Variants in TRMT11 observed in about 807,000 individuals in gnomAD.
TRMT11 encodes tRNA (guanine(10)-N(2))-methyltransferase TRMT11.
TRMT11 carries 53 observed loss-of-function variants against 62.8 expected under a neutral mutation model. That is an observed-to-expected ratio of 0.84 (90% confidence interval 0.68 to 1.06). TRMT11 has a LOEUF of 1.06. Ranked by LOEUF, TRMT11 falls within the 50% of genes least tolerant of loss-of-function variation. TRMT11 has a pLI of 0.00. For missense variants in TRMT11, 556 were observed against 553.4 expected (o/e 1.00, Z -0.05); for synonymous variants, 188 against 190.3 (o/e 0.99, Z 0.10).
the TRMT11 span, among the ~76,000 whole-genome samples, chr6:126,267,000 CATTATT>C: frequency 6.6e-6 from 1 of 152,066 alleles, no homozygotes; most frequent in Non-Finnish European, 1.5e-5. Context: ...TGAAAAATCT[CATTATT>C]ATTATTACTT....
chr6:126,066,169 A>G lies in TRMT11; in HGVS notation c.*1437+12979A>G, dbSNP rs1583857568. On this transcript the variant is annotated intron_variant and NMD_transcript_variant, in intron 17 of 22. Transcript: ENST00000648977. ...GAAACTCACTTTGAGCGCCAGGACC[A>G]AAGCTGACCTCTGCCTCCAGGCCAG... is the stretch of plus-strand genomic sequence containing the variant. Among the ~76,000 whole-genome samples, 4 of 152,336 alleles carry G rather than the reference A, an allele frequency of 2.6e-5. No homozygotes were observed. The South Asian group carries it at 8.3e-4, about 32-fold the overall frequency.
At chr6:126,228,571 T>G in the TRMT11 span, among the ~76,000 whole-genome samples, 1 of 152,168 alleles carries the variant, frequency 6.6e-6, no homozygotes, top group Non-Finnish European at 1.5e-5. Context: ...AGAGATTAGC[T>G]TGTGTTTATA....
chr6:126,087,133 C>A (rs750668033), intron 17 of TRMT11, among the ~76,000 whole-genome samples: 1 of 152,214 alleles, frequency 6.6e-6, no homozygotes, highest in African/African-American at 2.4e-5. Flanking sequence ...AATAGTTTAC[C>A]AATTATAAAC....
At chr6:126,044,145 A>C (rs1302215248), downstream of TRMT11, among the ~76,000 whole-genome samples, 1 of 151,958 alleles carries the variant, frequency 6.6e-6, no homozygotes, top group Non-Finnish European at 1.5e-5. Context: ...TATGTCCTGA[A>C]TGGTAATGCC....
At chr6:126,194,941 C>T (rs1778647617) in intron 1 of TRMT11, among the ~76,000 whole-genome samples, 1 of 151,934 alleles carries the variant, frequency 6.6e-6, no homozygotes, top group African/African-American at 2.4e-5. Context: ...ATAGTGAGAC[C>T]CTATCTCTAT....
chr6:126,096,139 T>TACCA (rs1777337236), intron 17 of TRMT11, among the ~76,000 whole-genome samples: 15 of 152,330 alleles, frequency 9.8e-5, no homozygotes, highest in Admixed American at 2.0e-4. Context: ...AATTCTGTTT[T>TACCA]TCTTGGAAGG....
At chr6:126,070,516 C>T (rs1171093949) in intron 17 of TRMT11, among the ~76,000 whole-genome samples, 1 of 152,134 alleles carries the variant, frequency 6.6e-6, no homozygotes, top group Non-Finnish European at 1.5e-5. Context: ...AGAAATAAAA[C>T]TCCATAGGCA....
intron 12 of TRMT11, among the ~76,000 whole-genome samples, chr6:126,028,952 T>C (rs1029132463): frequency 6.6e-6 from 1 of 152,192 alleles, no homozygotes; most frequent in Admixed American, 6.5e-5. Context: ...ACTAGTGTTA[T>C]AAGAATCTTA....
the TRMT11 span, among the ~76,000 whole-genome samples, chr6:126,239,658 A>C: frequency 6.6e-6 from 1 of 151,958 alleles, no homozygotes; most frequent in East Asian, 1.9e-4. Context: ...CTTCATTTCA[A>C]CTTTGGTGAA....
chr6:126,215,059 AATTTC>A, the TRMT11 span, among the ~76,000 whole-genome samples: 3 of 151,930 alleles, frequency 2.0e-5, no homozygotes, highest in East Asian at 5.8e-4. Context: ...TGCTTGATAT[AATTTC>A]ATTTTTTTTT....
chr6:126,084,888 A>G (rs1349323846), intron 17 of TRMT11, among the ~76,000 whole-genome samples: 4 of 152,206 alleles, frequency 2.6e-5, no homozygotes, highest in African/African-American at 9.6e-5. Context: ...TCAAACTCAT[A>G]GAAACAGAGA....
chr6:126,010,649 G>A (rs1327245319), intron 8 of TRMT11, among the ~76,000 whole-genome samples: 1 of 152,046 alleles, frequency 6.6e-6, no homozygotes, highest in Non-Finnish European at 1.5e-5. Context: ...GGTACATCAA[G>A]ATTGATATAT....
intron 17 of TRMT11, among the ~76,000 whole-genome samples, chr6:126,083,355 G>A (rs2875867): frequency 6.6e-6 from 1 of 152,070 alleles, no homozygotes; most frequent in Non-Finnish European, 1.5e-5. Flanking sequence ...CTTTTGCTCT[G>A]GAAGATCTAT....
intron 1 of TRMT11, among the ~76,000 whole-genome samples, chr6:125,989,064 A>G (rs1790156299): frequency 6.6e-6 from 1 of 151,458 alleles, no homozygotes; most frequent in Non-Finnish European, 1.5e-5. Context: ...CATTGAGGCC[A>G]GAGAGGTGGT....
chr6:126,002,069 C>T (rs180790092), intron 7 of TRMT11, among the ~76,000 whole-genome samples: 5 of 152,118 alleles, frequency 3.3e-5, no homozygotes, highest in African/African-American at 9.6e-5. Context: ...CTTACTTTCT[C>T]TTCTATTTGT....
chr6:126,151,905 C>CTTTCTTTCTTTTTCTT (rs377099601), intron 21 of TRMT11, among the ~76,000 whole-genome samples: 1 of 80,362 alleles, frequency 1.2e-5, no homozygotes, highest in Non-Finnish European at 2.3e-5. Context: ...TCTTTCTTTT[C>CTTTCTTTCTTTTTCTT]TCTTTCTTTC....
intron 21 of TRMT11, among the ~76,000 whole-genome samples, chr6:126,141,895 C>A (rs1777920866): frequency 6.6e-6 from 1 of 152,030 alleles, no homozygotes; most frequent in Non-Finnish European, 1.5e-5. Flanking sequence ...ACTGTCCTTG[C>A]CATTTTCTTG....
intron 1 of TRMT11, 30 bp from the exon 2 acceptor site, chr6:125,993,727 T>A: frequency 6.7e-7 from 1 of 1,483,776 alleles, no homozygotes; most frequent in South Asian, 1.1e-5. Flanking sequence ...TTTGTTAAAA[T>A]GTATTTTCTC....
chr6:126,236,658 T>C, the TRMT11 span, among the ~76,000 whole-genome samples: 1 of 152,216 alleles, frequency 6.6e-6, no homozygotes, highest in Admixed American at 6.5e-5. Flanking sequence ...TTACTACGTA[T>C]TTGTGTTCTC....
Sources: allele counts gnomAD v4.1 joint callset (sites outside exome capture counted in the v4.1 genomes callset), GRCh38; gene constraint gnomAD v4.1.1; transcripts MANE v1.5; gene names NCBI Gene and HGNC (gene_info 2026-07-23, HGNC 2026-07-21).